CNTNAP3B: variants seen among roughly 807,000 people sequenced by gnomAD.
CNTNAP3B encodes the protein contactin-associated protein-like 3B.
In CNTNAP3B, 25 loss-of-function variants were observed where a neutral mutation model predicts 108.9. The ratio of observed to expected loss-of-function variants is 0.23; its 90% CI spans 0.17 to 0.32. CNTNAP3B has a LOEUF of 0.32. CNTNAP3B is among the 10% of genes least tolerant of loss of function. The pLI is 1.00. For missense variants in CNTNAP3B, 252 were observed against 1,210.4 expected, an observed-to-expected ratio of 0.21 and a Z score of 11.75; for synonymous variants, 103 against 473.4, an observed-to-expected ratio of 0.22 and a Z score of 10.16.
chr9:41,939,356 G>A (rs1167486531), intron 13 of CNTNAP3B, among the ~76,000 whole-genome samples: 1 of 152,424 alleles, frequency 6.6e-6, no homozygotes, highest in African/African-American at 2.4e-5. Context: ...AATTTCAATA[G>A]GTTGTTACCA....
intron 3 of CNTNAP3B, among the ~76,000 whole-genome samples, chr9:42,020,584 C>A (rs1432549801): frequency 6.8e-6 from 1 of 148,028 alleles, no homozygotes; most frequent in Non-Finnish European, 1.5e-5. Flanking sequence ...CGTTCTGGGA[C>A]ATGATAGGCA....
chr9:41,927,906 G>T lies in CNTNAP3B; in HGVS notation c.2365+1411C>A, dbSNP rs1275837137. On this transcript the variant is annotated intron_variant, in intron 15 of 23. Transcript: ENST00000377561. ...TGGAAGAAACAGAAAAAATGTATGGGGGGCAAAGGAAACAAGTCAACAGTC... is the reference window on the plus strand; with the variant it reads ...TGGAAGAAACAGAAAAAATGTATGGTGGGCAAAGGAAACAAGTCAACAGTC... 2.6e-4 allele frequency among the ~76,000 whole-genome samples: 32 copies of T among 123,454 alleles called. 1 individual carries two copies. The highest frequency in any genetic ancestry group is 5.0e-4 in the Admixed American group (6 of 11,884). 81.0% of individuals were successfully genotyped at this position (123,454 alleles called of 152,430 possible).
chr9:41,935,610 C>T (rs1249201177), intron 14 of CNTNAP3B, among the ~76,000 whole-genome samples: 1 of 152,270 alleles, frequency 6.6e-6, no homozygotes, highest in African/African-American at 2.4e-5. Context: ...ATTGTAATTT[C>T]CCACCCCCAT....
rs1826581234 is a variant in CNTNAP3B at position 42,034,212 on chromosome 9, A to G, written c.391-20687T>C. Among the ~76,000 whole-genome samples the G allele has an allele frequency of 1.5e-5, 2 of 134,882 alleles. 1 individual carries two copies. Among genetic ancestry groups the G allele is most frequent in the African/African-American group, 6.0e-5 (2 of 33,290 alleles). The allele number at this position is 134,882 out of a possible 152,430, so 88.5% of individuals were successfully genotyped here. Reference sequence around the variant, plus strand: ...TATCTATCTATCTATCTATCTATCTATTTCTCATCTATACATAATAACTCT... The same window carrying G: ...TATCTATCTATCTATCTATCTATCTGTTTCTCATCTATACATAATAACTCT... On this transcript the variant is annotated intron_variant, in intron 3 of 23. Coordinates refer to ENST00000377561, the MANE Select transcript of CNTNAP3B (RefSeq NM_001201380.3).
At chr9:42,079,553 C>G (rs901645400) in intron 2 of CNTNAP3B, among the ~76,000 whole-genome samples, 1 of 128,228 alleles carries the variant, frequency 7.8e-6, no homozygotes, top group Non-Finnish European at 1.6e-5. Context: ...GATGGAGTCT[C>G]ACTCTGTCAC....
At chr9:42,110,310 C>T (rs1181473960) in intron 1 of CNTNAP3B, among the ~76,000 whole-genome samples, 7 of 137,132 alleles carry the variant, frequency 5.1e-5, no homozygotes, top group Admixed American at 2.2e-4. Flanking sequence ...TGGCTCTCCC[C>T]ATGCTTGCGG....
At chr9:42,089,680 T>C in intron 2 of CNTNAP3B, among the ~76,000 whole-genome samples, 1 of 148,380 alleles carries the variant, frequency 6.7e-6, no homozygotes, top group East Asian at 2.0e-4. Context: ...TCACTGAACC[T>C]AGTCAGTGTG....
chr9:42,056,206 C>G (rs1257253217), intron 3 of CNTNAP3B, among the ~76,000 whole-genome samples: 1 of 133,938 alleles, frequency 7.5e-6, no homozygotes, highest in Non-Finnish European at 1.6e-5. Context: ...AAAGTAATGT[C>G]CTAAGCAACA....
intron 11 of CNTNAP3B, among the ~76,000 whole-genome samples, chr9:41,963,758 C>G (rs1470113483): frequency 2.0e-5 from 3 of 151,620 alleles, no homozygotes; most frequent in Non-Finnish European, 4.4e-5. Context: ...TGGAGCCAAC[C>G]TCCTTAGCTC....
At chr9:41,935,712 G>A (rs1454947451) in intron 14 of CNTNAP3B, among the ~76,000 whole-genome samples, 1 of 152,248 alleles carries the variant, frequency 6.6e-6, no homozygotes, top group African/African-American at 2.4e-5. Context: ...CTGTCTACTG[G>A]AAGCTGCAAA....
Position 42,078,472 on chromosome 9 carries a change from C to G in CNTNAP3B, c.197-1410G>C, listed in dbSNP as rs571470103. On this transcript the variant is annotated intron_variant, in intron 2 of 23. Coordinates refer to ENST00000377561, the MANE Select transcript of CNTNAP3B (RefSeq NM_001201380.3). ...TTATATTATATATATAGTATGTACACAGACATATATATAAATATAATTTTT... is the reference window on the plus strand; with the variant it reads ...TTATATTATATATATAGTATGTACAGAGACATATATATAAATATAATTTTT... Among the ~76,000 whole-genome samples the G allele has an allele frequency of 4.2e-4, 58 of 138,730 alleles. 5 individuals carry two copies. Among genetic ancestry groups the G allele is most frequent in the Admixed American group, 8.6e-4 (12 of 13,888 alleles). The allele number at this position is 138,730 out of a possible 152,430, so 91.0% of individuals were successfully genotyped here.
intron 11 of CNTNAP3B, among the ~76,000 whole-genome samples, chr9:41,963,330 C>T (rs1385529577): frequency 6.6e-6 from 1 of 151,978 alleles, no homozygotes; most frequent in Non-Finnish European, 1.5e-5. Context: ...AGAAGTTGCT[C>T]AGAAACGTCA....
rs868518172 is a variant in CNTNAP3B, at chr9:42,121,957, T to A, written c.85+7053A>T. Among the ~76,000 whole-genome samples the A allele has an allele frequency of 4.3e-5, 6 of 139,914 alleles. 2 individuals carry two copies. Among genetic ancestry groups the A allele is most frequent in the South Asian group, 2.3e-4 (1 of 4,324 alleles). 91.8% of individuals were successfully genotyped at this position (139,914 alleles called of 152,430 possible). On this transcript the variant is annotated intron_variant, in intron 1 of 23. Coordinates refer to ENST00000377561, the MANE Select transcript of CNTNAP3B (RefSeq NM_001201380.3). Reference sequence around the variant, plus strand: ...TACAGCATAGCAAACAGTATGAGCATCAGCATATTTGCATCAATTTCCTTG... The same window carrying A: ...TACAGCATAGCAAACAGTATGAGCAACAGCATATTTGCATCAATTTCCTTG...
Position 42,030,142 on chromosome 9 carries a change from T to C in CNTNAP3B, c.391-16617A>G, listed in dbSNP as rs530310366. On this transcript the variant is annotated intron_variant, in intron 3 of 23. Coordinates refer to ENST00000377561, the MANE Select transcript of CNTNAP3B (RefSeq NM_001201380.3). ...CTGGGCGACAGAGCGAGACTCTGTC[T>C]CAAAAAAAAAAAGAAAAAGAAAAAA... Among the ~76,000 whole-genome samples, 343 of 88,144 alleles carry C rather than the reference T, an allele frequency of 3.9e-3. 3 individuals are homozygous for C. Among genetic ancestry groups the C allele is most frequent in the African/African-American group, 0.018 (326 of 18,210 alleles). The allele number at this position is 88,144 out of a possible 152,430, so 57.8% of individuals were successfully genotyped here.
chr9:41,928,685 A>G (rs1823889202), intron 15 of CNTNAP3B, among the ~76,000 whole-genome samples: 1 of 152,146 alleles, frequency 6.6e-6, no homozygotes, highest in African/African-American at 2.4e-5. Flanking sequence ...TCTCCACGGC[A>G]ATGTATGATG....
intron 18 of CNTNAP3B, among the ~76,000 whole-genome samples, chr9:41,913,697 G>C (rs1192195894): frequency 7.4e-6 from 1 of 135,416 alleles, no homozygotes; most frequent in Non-Finnish European, 1.6e-5. Flanking sequence ...CTCAGCTGCT[G>C]GTATCCTTGA....
intron 11 of CNTNAP3B, among the ~76,000 whole-genome samples, chr9:41,963,763 T>C (rs1170707766): frequency 3.3e-5 from 5 of 151,930 alleles, no homozygotes; most frequent in Non-Finnish European, 7.4e-5. Flanking sequence ...CCAACCTCCT[T>C]AGCTCAACTC....
At chr9:41,919,152 CAAGACGGAGTCT>C (rs1823598669) in intron 18 of CNTNAP3B, among the ~76,000 whole-genome samples, 2 of 151,662 alleles carry the variant, frequency 1.3e-5, no homozygotes, top group African/African-American at 4.9e-5. Flanking sequence ...TTTTTTTCCC[CAAGACGGAGTCT>C]CACTCTGTCG....
intron 2 of CNTNAP3B, among the ~76,000 whole-genome samples, chr9:42,103,542 T>G: frequency 1.9e-5 from 2 of 107,028 alleles, no homozygotes; most frequent in African/African-American, 4.1e-5. Context: ...GCTAACATGG[T>G]GAAACCCCGT....
Sources: gnomAD v4.1 joint callset for allele counts (sites outside exome capture counted in the v4.1 genomes callset) on GRCh38, gnomAD v4.1.1 for gene constraint, MANE v1.5 for transcripts, NCBI Gene and HGNC (gene_info 2026-07-23, HGNC 2026-07-21) for gene names.